The following CHRM1 variants were observed in gnomAD, a reference collection of about 807,000 sequenced individuals.
CHRM1 encodes cholinergic receptor muscarinic 1.
In CHRM1, 5 loss-of-function variants were observed where a neutral mutation model predicts 31.6. The observed-to-expected ratio is 0.16, with a 90% CI of 0.08 to 0.33. The LOEUF is 0.33. CHRM1 is among the 10% of genes least tolerant of loss of function. The probability of loss-of-function intolerance (pLI) is 1.00; values close to 1 mark genes in which losing one functional copy is unlikely to be tolerated. For missense variants in CHRM1, 338 were observed against 610.3 expected, an observed-to-expected ratio of 0.55 and a Z score of 4.70; for synonymous variants, 227 against 249.7, an observed-to-expected ratio of 0.91 and a Z score of 0.86.
Position 62,908,781 on chromosome 11 carries a change from GA to G in CHRM1, c.*936del. 6.5e-6 allele frequency: 1 copy of G among 153,134 alleles called. No homozygotes were observed. The highest frequency in any genetic ancestry group is 1.5e-5 in the Non-Finnish European group (1 of 68,324). 9.5% of individuals were successfully genotyped at this position (153,134 alleles called of 1,614,324 possible). On this transcript the variant is annotated 3_prime_UTR_variant, in exon 2 of 2. Transcript: ENST00000306960. ...TGGGCCTGGAGATCCGGGTGGCTGG[GA>G]GGCCATGCATGGGTTGGATTGGGGA...
At chr11:62,916,710 G>T (rs2085902239) in intron 1 of CHRM1, among the ~76,000 whole-genome samples, 1 of 152,198 alleles carries the variant, frequency 6.6e-6, no homozygotes, top group Admixed American at 6.5e-5. Flanking sequence ...TATATTATAG[G>T]TAAGGGCATT....
In CHRM1 at chr11:62,909,516, C is replaced by T. The variant is rs537635522; in HGVS notation, c.*202G>A. 4.8e-6 allele frequency: 3 copies of T among 620,242 alleles called. No homozygotes were observed. In the East Asian group the frequency reaches 8.4e-5, roughly 17 times the overall value. The allele number at this position is 620,242 out of a possible 1,614,324, so 38.4% of individuals were successfully genotyped here. On this transcript the variant is annotated 3_prime_UTR_variant, in exon 2 of 2. Transcript: ENST00000306960. ...CCAGCAGGGAACAGAAAAACCAGTT[C>T]CCCGGGTTTCCCTCCCTGCCTGGGA...
Position 62,910,585 on chromosome 11 carries a change from T to C in CHRM1, c.516A>G (p.Thr172=). 1 of 1,614,186 alleles carries C rather than the reference T, an allele frequency of 6.2e-7. No individual in the cohort carries two copies. Among genetic ancestry groups the C allele is most frequent in the Non-Finnish European group, 8.5e-7 (1 of 1,180,024 alleles). ...GGATGTAGCACTGCCCAGCTAGCACTGTCCGCTCCCCTACCAGGTACTGCC... is the reference window on the plus strand; with the variant it reads ...GGATGTAGCACTGCCCAGCTAGCACCGTCCGCTCCCCTACCAGGTACTGCC... The part of the protein sequence containing the change: ...LFWQYLVGER[T]VLAGQCYIQF... Residue 172 remains threonine, a synonymous_variant, in exon 2 of 2, where the codon ACA becomes ACG. Coordinates refer to ENST00000306960, the MANE Select transcript of CHRM1 (RefSeq NM_000738.3). The surrounding 1 kb of genome is among the most constrained non-coding windows in gnomAD (Gnocchi z 8.7).
chr11:62,910,230 A>C lies in CHRM1; in HGVS notation c.871T>G (p.Ser291Ala). 6.2e-7 allele frequency: 1 copy of C among 1,611,000 alleles called. No homozygotes were observed. The highest frequency in any genetic ancestry group is 2.2e-5 in the East Asian group (1 of 44,856). The change falls in exon 2 of 2, where the codon TCA (serine) becomes GCA (alanine). Residue 291 changes from serine to alanine, a missense_variant. Coordinates refer to ENST00000306960, the MANE Select transcript of CHRM1 (RefSeq NM_000738.3). The surrounding 1 kb of genome is among the most constrained non-coding windows in gnomAD (Gnocchi z 8.7). ...DEGSMESLTS[S>A]EGEEPGSEVV... ...TCGGAGCCAGGCTCCTCTCCCTCTG[A>C]GGATGTGAGGGACTCCATGGAGCCT...
At chr11:62,915,443 C>G (rs1476842578) in intron 1 of CHRM1, among the ~76,000 whole-genome samples, 2 of 152,214 alleles carry the variant, frequency 1.3e-5, no homozygotes, top group Non-Finnish European at 2.9e-5. Context: ...CTAATCCTGA[C>G]CCTGGTTCCA....
At position 62,909,066 on chromosome 11, in the gene CHRM1, G is replaced by T. The variant is rs2085852254; in HGVS notation, c.*652C>A. 6.6e-6 allele frequency: 1 copy of T among 152,386 alleles called. No individual in the cohort carries two copies. Among genetic ancestry groups the T allele is most frequent in the Non-Finnish European group, 1.5e-5 (1 of 68,164 alleles). The allele number at this position is 152,386 out of a possible 1,614,324, so 9.4% of individuals were successfully genotyped here. ...ACACCTGGCTCCTGGTCCTGTTGCT[G>T]CCTCGGGACTTGATATGTGACTAGC... On this transcript the variant is annotated 3_prime_UTR_variant, in exon 2 of 2. Coordinates refer to ENST00000306960, the MANE Select transcript of CHRM1 (RefSeq NM_000738.3).
chr11:62,909,751 G>A lies in CHRM1; in HGVS notation c.1350C>T (p.Gly450=), dbSNP rs746604416. 4.3e-6 allele frequency: 7 copies of A among 1,614,092 alleles called. No homozygotes were observed. In the Admixed American group the frequency reaches 1.0e-4, roughly 23 times the overall value. ...RRWRKIPKRP[G]SVHRTPSRQC ...GGCGGGAGGGAGTGCGGTGCACGGA[G>A]CCAGGGCGCTTGGGGATCTTGCGCC... is the stretch of plus-strand genomic sequence containing the variant. The change falls in exon 2 of 2, where the codon GGC becomes GGT. Residue 450 remains glycine, a synonymous_variant. Transcript: ENST00000306960.
At chr11:62,917,361 G>A (rs976068526) in intron 1 of CHRM1, among the ~76,000 whole-genome samples, 6 of 152,324 alleles carry the variant, frequency 3.9e-5, no homozygotes, top group African/African-American at 4.8e-5. Context: ...TGCAGGGCAC[G>A]TCCTGTGAAG....
chr11:62,911,885 A>G (rs934191232), intron 1 of CHRM1, among the ~76,000 whole-genome samples: 3 of 152,230 alleles, frequency 2.0e-5, no homozygotes, highest in Non-Finnish European at 4.4e-5. Flanking sequence ...GTTCCTGAGA[A>G]GATAAACAGA....
chr11:62,916,690 G>A (rs1333176481), intron 1 of CHRM1, among the ~76,000 whole-genome samples: 3 of 152,178 alleles, frequency 2.0e-5, no homozygotes, highest in Admixed American at 1.3e-4. Context: ...CCCATGGGGG[G>A]CTCTATCTTT....
At chr11:62,916,324 C>G (rs930306999) in intron 1 of CHRM1, among the ~76,000 whole-genome samples, 15 of 152,240 alleles carry the variant, frequency 9.9e-5, no homozygotes, top group Non-Finnish European at 1.5e-4. Flanking sequence ...GTCCCTGAGG[C>G]AAGGCTGAAG....
intron 1 of CHRM1, among the ~76,000 whole-genome samples, chr11:62,919,774 C>T (rs891342724): frequency 1.6e-4 from 25 of 152,198 alleles, no homozygotes; most frequent in African/African-American, 4.8e-4. Flanking sequence ...GAGGCGGCAG[C>T]GCAGTGTTGT....
At chr11:62,913,469 C>G (rs1450581415) in intron 1 of CHRM1, among the ~76,000 whole-genome samples, 1 of 152,060 alleles carries the variant, frequency 6.6e-6, no homozygotes, top group Non-Finnish European at 1.5e-5. Context: ...GTCGGGAGTT[C>G]AAGACTAGCC....
Position 62,910,777 on chromosome 11 carries a change from G to C in CHRM1, c.324C>G (p.Ala108=). 1 of 1,614,196 alleles carries C rather than the reference G, an allele frequency of 6.2e-7. No homozygotes were observed. The highest frequency in any genetic ancestry group is 8.5e-7 in the Non-Finnish European group (1 of 1,180,032). The part of the protein sequence containing the change: ...CDLWLALDYV[A]SNASVMNLLL... ...GCAGATTCATGACGGAGGCATTGCT[G>C]GCCACATAGTCCAGGGCCAGCCAGA... The change falls in exon 2 of 2, where the codon GCC becomes GCG. Residue 108 remains alanine, a synonymous_variant. Transcript: ENST00000306960. This position sits in a 1 kb window ranked among gnomAD's most constrained non-coding sequence, Gnocchi z 8.7.
chr11:62,917,041 C>T (rs1219343296), intron 1 of CHRM1: 1 of 152,402 alleles, frequency 6.6e-6, no homozygotes, highest in Non-Finnish European at 1.5e-5. Context: ...ACCCCCAGCC[C>T]TCTCTTGGAC....
At chr11:62,913,278 T>C (rs2085881799) in intron 1 of CHRM1, among the ~76,000 whole-genome samples, 3 of 152,192 alleles carry the variant, frequency 2.0e-5, no homozygotes. Flanking sequence ...AATGAATCAA[T>C]GCATGTAAGG....
chr11:62,910,938 C>A lies in CHRM1; in HGVS notation c.163G>T (p.Glu55Ter). 1 of 1,614,160 alleles carries A rather than the reference C, an allele frequency of 6.2e-7. No homozygotes were observed. The highest frequency in any genetic ancestry group is 8.5e-7 in the Non-Finnish European group (1 of 1,180,042). The change falls in exon 2 of 2, where the codon GAG (glutamate) becomes TAG (stop). Residue 55 changes from glutamate (E) to a stop codon, truncating the protein, a stop_gained. Transcript: ENST00000306960. LOFTEE classifies it high-confidence loss of function. This position sits in a 1 kb window ranked among gnomAD's most constrained non-coding sequence, Gnocchi z 8.7. ...AAGTAGTTATTGACTGTCTTGAGCT[C>A]CGTGTTGACCTTGAAAGAGATGAGT... ...LVLISFKVNT[E>*]LKTVNNYFLL...
intron 1 of CHRM1, among the ~76,000 whole-genome samples, 176 bp from the exon 2 acceptor site, chr11:62,911,354 G>T (rs1439154426): frequency 6.6e-6 from 1 of 152,200 alleles, no homozygotes; most frequent in Non-Finnish European, 1.5e-5. Context: ...GCCATAAGTG[G>T]ATTTGCCAGC....
intron 1 of CHRM1, among the ~76,000 whole-genome samples, chr11:62,914,621 A>G (rs930118938): frequency 2.8e-4 from 43 of 152,338 alleles, no homozygotes; most frequent in African/African-American, 9.4e-4. Context: ...TTTAATGCCC[A>G]TCGCTCACAG....
Sources: gnomAD v4.1 joint callset for allele counts (sites outside exome capture counted in the v4.1 genomes callset) on GRCh38, gnomAD v4.1.1 for gene constraint, Gnocchi (gnomAD v3.1) non-coding constraint, MANE v1.5 for transcripts, NCBI Gene and HGNC (gene_info 2026-07-23, HGNC 2026-07-21) for gene names.